FGGY: variants seen among roughly 807,000 people sequenced by gnomAD.
FGGY encodes the protein FGGY carbohydrate kinase domain containing.
Under a neutral mutation model 71.3 loss-of-function variants are expected in FGGY, and 72 were observed. That is an observed-to-expected ratio of 1.01 (90% CI 0.84 to 1.23). The LOEUF is 1.23. FGGY is among the 50% of genes most tolerant of loss of function. The pLI is 0.00. For synonymous variants in FGGY, 251 were observed against 250.3 expected (o/e 1.00, Z -0.02); for missense variants, 668 against 682.3 (o/e 0.98, Z 0.23).
chr1:59,645,885 T>G (rs910594828), intron 11 of FGGY, among the ~76,000 whole-genome samples: 1 of 152,232 alleles, frequency 6.6e-6, no homozygotes, highest in African/African-American at 2.4e-5. Flanking sequence ...TCTGCTTCTT[T>G]GAAGAGCTGT....
chr1:59,664,084 G>T (rs2097302113), intron 12 of FGGY, among the ~76,000 whole-genome samples: 1 of 152,156 alleles, frequency 6.6e-6, no homozygotes, highest in Non-Finnish European at 1.5e-5. Flanking sequence ...TTTATCCATA[G>T]CCTGTTCATC....
rs1482147706 is a variant in FGGY, at chr1:59,587,076, G to A, written c.904-20727G>A. Among the ~76,000 whole-genome samples the A allele has an allele frequency of 4.6e-5, 7 of 152,322 alleles. No individual in the cohort carries two copies. The South Asian group carries it at 6.2e-4, about 14-fold the overall frequency. On this transcript the variant is annotated intron_variant, in intron 8 of 15. Transcript: ENST00000303721. ...GGTGACAGATGGCACCTGGAAAATCGGGTCACTCCCGCCCTAATACTGTGC... is the reference window on the plus strand; with the variant it reads ...GGTGACAGATGGCACCTGGAAAATCAGGTCACTCCCGCCCTAATACTGTGC...
chr1:59,735,633 TATG>T (rs1418541650), intron 14 of FGGY, among the ~76,000 whole-genome samples: 1 of 152,178 alleles, frequency 6.6e-6, no homozygotes, highest in Non-Finnish European at 1.5e-5. Context: ...TTTATCTATT[TATG>T]AAGGAAGACA....
At chr1:59,558,158 T>A (rs917603111) in intron 8 of FGGY, among the ~76,000 whole-genome samples, 1 of 152,174 alleles carries the variant, frequency 6.6e-6, no homozygotes, top group Admixed American at 6.5e-5. Context: ...CAGGTTCAAA[T>A]TAGGCCATCT....
chr1:59,464,934 A>G (rs1446577734), intron 6 of FGGY, among the ~76,000 whole-genome samples: 1 of 152,234 alleles, frequency 6.6e-6, no homozygotes, highest in Non-Finnish European at 1.5e-5. Flanking sequence ...GCCGACTTCT[A>G]CAAAGAGGAG....
chr1:59,747,915 G>A (rs1036586057), intron 14 of FGGY, among the ~76,000 whole-genome samples: 1 of 152,134 alleles, frequency 6.6e-6, no homozygotes, highest in African/African-American at 2.4e-5. Context: ...AATGGGCCTG[G>A]TCTTATTCAT....
At chr1:59,587,404 G>A (rs182940705) in intron 8 of FGGY, among the ~76,000 whole-genome samples, 19 of 152,214 alleles carry the variant, frequency 1.2e-4, no homozygotes, top group African/African-American at 3.1e-4. Context: ...AACCCCTGCC[G>A]ACTTAAATGT....
chr1:59,433,208 A>G (rs1422014252), intron 5 of FGGY, among the ~76,000 whole-genome samples: 1 of 152,166 alleles, frequency 6.6e-6, no homozygotes, highest in East Asian at 1.9e-4. Context: ...CCTGACTTCT[A>G]CCCACTAGTT....
intron 5 of FGGY, among the ~76,000 whole-genome samples, chr1:59,417,843 A>G (rs2064731988): frequency 6.6e-6 from 1 of 152,204 alleles, no homozygotes; most frequent in Admixed American, 6.5e-5. Flanking sequence ...AAATTAATTA[A>G]CTTTAAGTAA....
At chr1:59,323,672 A>G (rs900029037) in intron 2 of FGGY, among the ~76,000 whole-genome samples, 3 of 152,250 alleles carry the variant, frequency 2.0e-5, no homozygotes, top group Non-Finnish European at 4.4e-5. Flanking sequence ...GTGATCTTGG[A>G]CAAGTTACCT....
rs1183723713 is a variant in FGGY, at chr1:59,698,621, T to G, written c.1512+24488T>G. 5 of 302,430 alleles carry G rather than the reference T, an allele frequency of 1.7e-5. No homozygotes were observed. The Admixed American group carries it at 1.9e-4, about 12-fold the overall frequency. The allele number at this position is 302,430 out of a possible 1,614,324, so 18.7% of individuals were successfully genotyped here. A position where few individuals can be genotyped will look rare whatever the true frequency, so the allele number is the denominator to read the frequency against. ...TCTGAAGTTGGGCGTCTCTCTTTGC[T>G]GACCACTTGGGAATTTTTTTTTCTT... On this transcript the variant is annotated intron_variant, in intron 14 of 15. Transcript: ENST00000303721.
At chr1:59,609,044 G>A (rs2096650387) in intron 9 of FGGY, among the ~76,000 whole-genome samples, 1 of 152,176 alleles carries the variant, frequency 6.6e-6, no homozygotes, top group Non-Finnish European at 1.5e-5. Context: ...CTTTACAGGG[G>A]AGAAGGCATT....
intron 8 of FGGY, among the ~76,000 whole-genome samples, chr1:59,597,895 C>T (rs2096539558): frequency 1.3e-5 from 2 of 152,210 alleles, no homozygotes; most frequent in Admixed American, 6.5e-5. Context: ...GTACTATGCT[C>T]ACTCCTGGAG....
chr1:59,592,799 G>A (rs573263424), intron 8 of FGGY, among the ~76,000 whole-genome samples: 5 of 136,382 alleles, frequency 3.7e-5, no homozygotes, highest in African/African-American at 9.0e-5. Context: ...GTGGGGGGAC[G>A]GGGGAGGGAT....
chr1:59,403,204 T>G (rs2062213905), intron 5 of FGGY, among the ~76,000 whole-genome samples: 1 of 152,224 alleles, frequency 6.6e-6, no homozygotes, highest in African/African-American at 2.4e-5. Context: ...GTTTTTAAAT[T>G]AAATTACTTT....
At chr1:59,650,482 G>A (rs544049620) in intron 11 of FGGY, among the ~76,000 whole-genome samples, 6 of 104,792 alleles carry the variant, frequency 5.7e-5, no homozygotes, top group South Asian at 3.5e-4. Flanking sequence ...GTCTTGGGAA[G>A]GTGTATGTGT....
chr1:59,651,065 G>A (rs2097154405), intron 11 of FGGY, among the ~76,000 whole-genome samples: 1 of 151,470 alleles, frequency 6.6e-6, no homozygotes, highest in Non-Finnish European at 1.5e-5. Context: ...GCAGCTTTGA[G>A]TGAGATTCTT....
intron 14 of FGGY, among the ~76,000 whole-genome samples, chr1:59,718,514 T>C (rs1258652217): frequency 6.6e-6 from 1 of 152,146 alleles, no homozygotes; most frequent in Non-Finnish European, 1.5e-5. Flanking sequence ...CTACAAATGT[T>C]TGTTAAACAC....
chr1:59,553,559 A>G (rs1332678822), intron 7 of FGGY, among the ~76,000 whole-genome samples: 3 of 152,158 alleles, frequency 2.0e-5, no homozygotes, highest in African/African-American at 7.2e-5. Context: ...GAGTTCTGCG[A>G]TAAGTAGTAG....
Sources: allele counts gnomAD v4.1 joint callset (sites outside exome capture counted in the v4.1 genomes callset), GRCh38; gene constraint gnomAD v4.1.1; transcripts MANE v1.5; gene names NCBI Gene and HGNC (gene_info 2026-07-23, HGNC 2026-07-21).